The following KCNH8 variants were observed in gnomAD, a reference collection of about 807,000 sequenced individuals.
KCNH8 encodes the protein potassium voltage-gated channel subfamily H member 8.
KCNH8 carries 70 observed loss-of-function variants against 103.6 expected under a neutral mutation model. The observed-to-expected ratio is 0.68, with a 90% confidence interval of 0.56 to 0.82. The LOEUF is 0.82. Among genes scored for constraint, KCNH8 ranks in the 40% least tolerant of loss-of-function variants. KCNH8 has a pLI of 0.00. For synonymous variants in KCNH8, 498 were observed against 489.4 expected, an observed-to-expected ratio of 1.02 and a Z score of -0.23; for missense variants, 1,217 against 1,329.9, an observed-to-expected ratio of 0.92 and a Z score of 1.32.
intron 1 of KCNH8, among the ~76,000 whole-genome samples, chr3:19,216,508 T>C (rs1381486286): frequency 2.0e-5 from 3 of 152,224 alleles, no homozygotes; most frequent in African/African-American, 4.8e-5. Flanking sequence ...TCATGGTCCT[T>C]GCCCCTCTGA....
In KCNH8 at chr3:19,222,129, G is replaced by A. The variant is rs147036092; in HGVS notation, c.77-31525G>A. Among the ~76,000 whole-genome samples the A allele has an allele frequency of 7.7e-3, 1,174 of 152,286 alleles. 15 individuals carry two copies. Among genetic ancestry groups the A allele is most frequent in the African/African-American group, 0.026 (1,076 of 41,562 alleles). Reference sequence around the variant, plus strand: ...CTCCCAAAGTGCTGGGATTACAGGCGTGAGCCACTGCGCCCGGCCTAGCAT... The same window carrying A: ...CTCCCAAAGTGCTGGGATTACAGGCATGAGCCACTGCGCCCGGCCTAGCAT... On this transcript the variant is annotated intron_variant, in intron 1 of 15. Coordinates refer to ENST00000328405, the MANE Select transcript of KCNH8 (RefSeq NM_144633.3).
At chr3:19,233,671 A>C (rs1469841667) in intron 1 of KCNH8, among the ~76,000 whole-genome samples, 2 of 151,836 alleles carry the variant, frequency 1.3e-5, no homozygotes, top group Non-Finnish European at 2.9e-5. Flanking sequence ...TCTTGTGTGG[A>C]TTTTCTCTGG....
chr3:19,200,617 T>G (rs953348868), intron 1 of KCNH8, among the ~76,000 whole-genome samples: 8 of 152,046 alleles, frequency 5.3e-5, no homozygotes, highest in Non-Finnish European at 1.0e-4. Context: ...AACTTTTAAA[T>G]TAACATTAGC....
At chr3:19,281,539 G>A (rs540222170) in intron 3 of KCNH8, among the ~76,000 whole-genome samples, 1 of 152,112 alleles carries the variant, frequency 6.6e-6, no homozygotes, top group East Asian at 1.9e-4. Flanking sequence ...CACTTGACAG[G>A]AACTAGAAGT....
chr3:19,192,402 T>G (rs1219489721), intron 1 of KCNH8, among the ~76,000 whole-genome samples: 1 of 151,728 alleles, frequency 6.6e-6, no homozygotes, highest in East Asian at 1.9e-4. Context: ...ATTTTTCTCT[T>G]GACTGCTTAT....
intron 1 of KCNH8, among the ~76,000 whole-genome samples, chr3:19,209,937 C>T (rs1259457862): frequency 2.0e-5 from 3 of 151,952 alleles, no homozygotes; most frequent in East Asian, 1.9e-4. Flanking sequence ...TTTTTGGGGG[C>T]GGAAATACTG....
At chr3:19,503,435 C>T (rs1407037379) in intron 11 of KCNH8, among the ~76,000 whole-genome samples, 2 of 152,078 alleles carry the variant, frequency 1.3e-5, no homozygotes, top group African/African-American at 4.8e-5. Context: ...TGGATATATA[C>T]CCAAAGGACT....
At chr3:19,505,380 A>C (rs777408679) in intron 11 of KCNH8, among the ~76,000 whole-genome samples, 1 of 152,114 alleles carries the variant, frequency 6.6e-6, no homozygotes, top group Non-Finnish European at 1.5e-5. Flanking sequence ...GAATGAAATA[A>C]TCTGTACATC....
In KCNH8 at chr3:19,500,892, CAAAAGCTAGCA is replaced by C. The variant is rs923241339; in HGVS notation, c.2041-9470_2041-9460del. On this transcript the variant is annotated intron_variant, in intron 11 of 15. Transcript: ENST00000328405. ...AGATCTAGAAAAGAGCAAACACATT[CAAAAGCTAGCA>C]GAAGGCAAGAAATAACTAAGATCAG... is the stretch of plus-strand genomic sequence containing the variant. Among the ~76,000 whole-genome samples the C allele has an allele frequency of 2.2e-4, 33 of 152,110 alleles. 1 individual carries two copies. Among genetic ancestry groups the C allele is most frequent in the Admixed American group, 3.3e-4 (5 of 15,264 alleles).
intron 6 of KCNH8, among the ~76,000 whole-genome samples, chr3:19,391,983 A>G (rs2066444136): frequency 6.6e-6 from 1 of 151,916 alleles, no homozygotes; most frequent in African/African-American, 2.4e-5. Flanking sequence ...ATTATTTAAT[A>G]CAATTCCATT....
chr3:19,203,076 A>G (rs2063679821), intron 1 of KCNH8, among the ~76,000 whole-genome samples: 2 of 152,176 alleles, frequency 1.3e-5, no homozygotes, highest in Admixed American at 1.3e-4. Context: ...GTAATAAGCT[A>G]TAATTATTGT....
intron 11 of KCNH8, among the ~76,000 whole-genome samples, chr3:19,464,527 G>T (rs1298091329): frequency 2.0e-5 from 3 of 152,044 alleles, no homozygotes; most frequent in East Asian, 1.9e-4. Flanking sequence ...AAAGGAAAGA[G>T]AAATTTACTA....
At chr3:19,403,279 A>G (rs959122423) in intron 7 of KCNH8, among the ~76,000 whole-genome samples, 5 of 149,650 alleles carry the variant, frequency 3.3e-5, no homozygotes, top group African/African-American at 7.3e-5. Context: ...TGTACTCTAC[A>G]TAGTCCTCAC....
At chr3:19,242,325 G>A (rs2064153004) in intron 1 of KCNH8, among the ~76,000 whole-genome samples, 1 of 152,176 alleles carries the variant, frequency 6.6e-6, no homozygotes, top group Non-Finnish European at 1.5e-5. Context: ...TAATGAAAGA[G>A]TGAGATCCCC....
chr3:19,202,495 C>T (rs1006427046), intron 1 of KCNH8, among the ~76,000 whole-genome samples: 2 of 151,986 alleles, frequency 1.3e-5, no homozygotes, highest in Admixed American at 6.6e-5. Context: ...TTGTGTTTGC[C>T]GATAATACAA....
At chr3:19,342,501 T>C (rs1051031210) in intron 3 of KCNH8, 86 bp from the exon 4 acceptor site, 13 of 1,346,826 alleles carry the variant, frequency 9.7e-6, no homozygotes, top group Non-Finnish European at 1.0e-5. Context: ...ATGTACAATA[T>C]GCTCTTGAAA....
intron 7 of KCNH8, among the ~76,000 whole-genome samples, chr3:19,425,005 G>A (rs984956730): frequency 6.6e-6 from 1 of 152,048 alleles, no homozygotes; most frequent in Non-Finnish European, 1.5e-5. Context: ...CACAGAGGAA[G>A]AGAATGAGTT....
chr3:19,437,086 T>A (rs2067210298), intron 7 of KCNH8, among the ~76,000 whole-genome samples: 1 of 152,168 alleles, frequency 6.6e-6, no homozygotes, highest in Non-Finnish European at 1.5e-5. Flanking sequence ...ATAATGATAA[T>A]ATTATTACTG....
At chr3:19,453,645 G>C (rs747580109) in intron 10 of KCNH8, among the ~76,000 whole-genome samples, 1 of 152,128 alleles carries the variant, frequency 6.6e-6, no homozygotes, top group African/African-American at 2.4e-5. Flanking sequence ...TAGGTGATGA[G>C]GGCACAGCCC....
Sources: allele counts gnomAD v4.1 joint callset (sites outside exome capture counted in the v4.1 genomes callset), GRCh38; gene constraint gnomAD v4.1.1; transcripts MANE v1.5; gene names NCBI Gene and HGNC (gene_info 2026-07-23, HGNC 2026-07-21).